TTLL12: variants seen among roughly 807,000 people sequenced by gnomAD.
TTLL12 encodes the protein tubulin--tyrosine ligase-like protein 12.
TTLL12 carries 77 observed loss-of-function variants against 79.6 expected under a neutral mutation model. The ratio of observed to expected loss-of-function variants is 0.97; its 90% CI spans 0.81 to 1.17. The LOEUF is 1.17. TTLL12 is among the 50% of genes most tolerant of loss of function. The pLI, the probability that TTLL12 is intolerant of heterozygous loss-of-function variation, is 0.00. For synonymous variants in TTLL12, 437 were observed against 376.1 expected (o/e 1.16, Z -1.87); for missense variants, 969 against 895.9 (o/e 1.08, Z -1.04).
chr22:43,172,701 C>CTTTT, intron 9 of TTLL12, 147 bp from the exon 10 acceptor site: 2 of 632,446 alleles, frequency 3.2e-6, no homozygotes, highest in Non-Finnish European at 5.1e-6. Context: ...GCTGCAAAGT[C>CTTTT]TTTTTTTTTT....
At position 43,185,923 on chromosome 22, in the gene TTLL12, ACT is replaced by A. The variant is rs777996835; in HGVS notation, c.177+968_177+969del. 2.4e-3 allele frequency: 2,386 copies of A among 979,394 alleles called. 4 individuals carry two copies. Among genetic ancestry groups the A allele is most frequent in the Middle Eastern group, 3.7e-3 (7 of 1,910 alleles). 60.7% of individuals were successfully genotyped at this position (979,394 alleles called of 1,614,324 possible). ...ATGGCAGAAGTGAGGGGCAGAGGAA[ACT>A]CTCTGTTACACTGTAGCATAAGGAG... On this transcript the variant is annotated intron_variant, in intron 1 of 13. Transcript: ENST00000216129.
intron 9 of TTLL12, among the ~76,000 whole-genome samples, chr22:43,173,059 C>T (rs1370291321): frequency 6.6e-6 from 1 of 152,172 alleles, no homozygotes; most frequent in Non-Finnish European, 1.5e-5. Context: ...ATAATTCCAT[C>T]CACCCCCATC....
chr22:43,180,924 G>T lies in TTLL12; in HGVS notation c.364C>A (p.His122Asn). ...AHPNSIFLID[H>N]AWTCRVEHAR... Reference sequence around the variant, plus strand: ...TGCTCCACACGGCACGTCCAGGCGTGGTCGATGAGGAAGATGCTGCGGGCA... The same window carrying T: ...TGCTCCACACGGCACGTCCAGGCGTTGTCGATGAGGAAGATGCTGCGGGCA... Residue 122 changes from histidine (H) to asparagine (N), a missense_variant, in exon 3 of 14, where the codon CAC (histidine) becomes AAC (asparagine). His to Asn is a moderately conservative substitution (Grantham distance 68). Coordinates refer to ENST00000216129, the MANE Select transcript of TTLL12 (RefSeq NM_015140.4). 2 of 1,611,534 alleles carry T rather than the reference G, an allele frequency of 1.2e-6. No homozygotes were observed. The highest frequency in any genetic ancestry group is 1.7e-6 in the Non-Finnish European group (2 of 1,179,392).
Position 43,166,971 on chromosome 22 carries a change from C to G in TTLL12, c.*1037G>C. 1 of 323,950 alleles carries G rather than the reference C, an allele frequency of 3.1e-6. No homozygotes were observed. Among genetic ancestry groups the G allele is most frequent in the Non-Finnish European group, 6.1e-6 (1 of 165,114 alleles). 20.1% of individuals were successfully genotyped at this position (323,950 alleles called of 1,614,324 possible). ...GTCCACCCACTGCCCGTGAGCTGGGCCCAGGCACACTGCAGCCACACAAAA... is the reference window on the plus strand; with the variant it reads ...GTCCACCCACTGCCCGTGAGCTGGGGCCAGGCACACTGCAGCCACACAAAA... On this transcript the variant is annotated 3_prime_UTR_variant, in exon 14 of 14. Coordinates refer to ENST00000216129, the MANE Select transcript of TTLL12 (RefSeq NM_015140.4).
In TTLL12 at chr22:43,172,482, G is replaced by A. The variant is rs776325002; in HGVS notation, c.1414C>T (p.Arg472Cys). The A allele has an allele frequency of 2.5e-6, 4 of 1,614,124 alleles. No individual in the cohort carries two copies. Among genetic ancestry groups the A allele is most frequent in the South Asian group, 2.2e-5 (2 of 91,076 alleles). Residue 472 changes from arginine (R) to cysteine (C), a missense_variant, in exon 10 of 14, where the codon CGC becomes TGC. Transcript: ENST00000216129. The stretch of plus-strand genomic sequence containing the variant: ...ACTGACCGCAGCAGCACGATGTAGC[G>A]GATGTCGAACTTGACCTTTCCCACG... The part of the protein sequence containing the change: ...EDVGKVKFDI[R>C]YIVLLRSVRP...
chr22:43,170,100 C>T, intron 11 of TTLL12: 4 of 356,240 alleles, frequency 1.1e-5, no homozygotes, highest in South Asian at 6.4e-5. Flanking sequence ...AGGTTTCTCC[C>T]AGAAAAGAAC....
intron 5 of TTLL12, among the ~76,000 whole-genome samples, chr22:43,177,151 TG>T (rs902786995): frequency 4.6e-5 from 7 of 152,238 alleles, no homozygotes; most frequent in Non-Finnish European, 1.0e-4. Context: ...GAGGAGTACC[TG>T]AGCCCAGGTG....
At chr22:43,184,529 T>C (rs1417504434) in intron 1 of TTLL12, among the ~76,000 whole-genome samples, 3 of 151,848 alleles carry the variant, frequency 2.0e-5, no homozygotes, top group African/African-American at 7.3e-5. Flanking sequence ...GAGGGAAGAG[T>C]AAGAGCGAAG....
rs914438792 is a variant in TTLL12 at position 43,174,248 on chromosome 22, A to G, written c.1190T>C (p.Leu397Pro). 1.9e-5 allele frequency: 30 copies of G among 1,608,250 alleles called. No homozygotes were observed. Among genetic ancestry groups the G allele is most frequent in the Non-Finnish European group, 2.5e-5 (29 of 1,179,876 alleles). The change falls in exon 8 of 14, where the codon CTG (leucine) becomes CCG (proline). Residue 397 changes from leucine (L) to proline (P), a missense_variant. Coordinates refer to ENST00000216129, the MANE Select transcript of TTLL12 (RefSeq NM_015140.4). ...LPRTFNLRTE[L>P]PQFVSYFQQR... ...CTGGAAGTAGCTGACAAACTGGGGC[A>G]GCTCAGTGCGCAGGTTGAAGGTTCG...
At chr22:43,171,747 G>A (rs1700959216) in intron 11 of TTLL12, 72 bp downstream of exon 11, 1 of 1,333,822 alleles carries the variant, frequency 7.5e-7, no homozygotes, top group South Asian at 1.2e-5. Flanking sequence ...CTAGGAGGCA[G>A]TGTGGGCGGG....
At position 43,173,792 on chromosome 22, in the gene TTLL12, T is replaced by A. The variant is rs750086919; in HGVS notation, c.1264A>T (p.Asn422Tyr). The A allele has an allele frequency of 2.5e-6, 4 of 1,604,786 alleles. No homozygotes were observed. The highest frequency in any genetic ancestry group is 3.4e-6 in the Non-Finnish European group (4 of 1,179,908). Reference protein sequence around the residue: ...EDNHWICKPWNLARSLDTHVT... With the variant: ...EDNHWICKPWYLARSLDTHVT... ...TGGGTGTCCAGGCTGCGCGCCAGGT[T>A]CCAGGGCTTGCAGATCCAGTGGTTG... The change falls in exon 9 of 14, where the codon AAC (asparagine) becomes TAC (tyrosine). Residue 422 changes from asparagine (N) to tyrosine (Y), a missense_variant. By Grantham distance (143) the Asn-to-Tyr change is moderately radical. Transcript: ENST00000216129.
intron 9 of TTLL12, 42 bp downstream of exon 9, chr22:43,173,673 C>T (rs1208429927): frequency 1.9e-6 from 3 of 1,576,030 alleles, no homozygotes; most frequent in Non-Finnish European, 1.7e-6. Context: ...CACTGTCCAG[C>T]CAGGGCCCTG....
At chr22:43,171,027 C>G (rs79715190) in intron 11 of TTLL12, among the ~76,000 whole-genome samples, 4,778 of 152,300 alleles carry the variant, frequency 0.031, 231 homozygotes, top group African/African-American at 0.11. Context: ...GACAGCCACA[C>G]GTTCAGGGGT....
chr22:43,169,417 G>A (rs554543396), intron 12 of TTLL12, 83 bp downstream of exon 12: 4 of 1,227,580 alleles, frequency 3.3e-6, no homozygotes, highest in East Asian at 4.9e-5. Context: ...CATGCCAGCA[G>A]AGAGGGAAGG....
intron 10 of TTLL12, 39 bp from the exon 11 acceptor site, chr22:43,171,939 C>T (rs367920511): frequency 5.7e-5 from 90 of 1,584,978 alleles, no homozygotes; most frequent in African/African-American, 1.7e-4. Context: ...GGTTCTTGAG[C>T]GGCCTTGTCC....
rs368461478 is a variant in TTLL12, at chr22:43,168,920, C to G, written c.1645-8G>C. 2 of 1,607,010 alleles carry G rather than the reference C, an allele frequency of 1.2e-6. No homozygotes were observed. Among genetic ancestry groups the G allele is most frequent in the African/African-American group, 2.7e-5 (2 of 74,850 alleles). Reference sequence around the variant, plus strand: ...GGCCCGGAAGATCTCAGCCTGGGGACCGGGGAGCCTGAGTTACGAGGCCTG... The same window carrying G: ...GGCCCGGAAGATCTCAGCCTGGGGAGCGGGGAGCCTGAGTTACGAGGCCTG... On this transcript the variant is annotated splice_polypyrimidine_tract_variant and splice_region_variant and intron_variant, in intron 12 of 13. Transcript: ENST00000216129.
Position 43,169,564 on chromosome 22 carries a change from T to C in TTLL12, c.1580A>G (p.His527Arg), listed in dbSNP as rs1332201938. ...YDPDVVLKQV[H>R]CEEFIPEFEK... is the part of the protein sequence containing the mutation. ...AAACTCGGGGATGAACTCTTCACAG[T>C]GCACCTGCAACAGACACAGGGCCCA... The change falls in exon 12 of 14, where the codon CAC becomes CGC. Residue 527 changes from histidine (H) to arginine (R), a missense_variant. Physicochemically the swap from His to Arg is conservative, Grantham distance 29. Transcript: ENST00000216129. The C allele has an allele frequency of 6.2e-7, 1 of 1,613,486 alleles. No homozygotes were observed. The highest frequency in any genetic ancestry group is 1.7e-5 in the Admixed American group (1 of 59,940).
chr22:43,169,011 AG>A (rs1931693708), intron 12 of TTLL12, 99 bp from the exon 13 acceptor site: 1 of 1,433,010 alleles, frequency 7.0e-7, no homozygotes, highest in Admixed American at 2.4e-5. Flanking sequence ...ACGTGGCCCA[AG>A]TCACCCCCTC....
chr22:43,178,051 G>GAAACAAAA (rs1931958771), intron 5 of TTLL12, among the ~76,000 whole-genome samples: 1 of 152,112 alleles, frequency 6.6e-6, no homozygotes, highest in African/African-American at 2.4e-5. Flanking sequence ...AAACAAACCC[G>GAAACAAAA]AGACCAGGAA....
Sources: allele counts gnomAD v4.1 joint callset (sites outside exome capture counted in the v4.1 genomes callset), GRCh38; gene constraint gnomAD v4.1.1; transcripts MANE v1.5; gene names NCBI Gene and HGNC (gene_info 2026-07-23, HGNC 2026-07-21).